N4BP2: variants seen among roughly 807,000 people sequenced by gnomAD.
N4BP2 encodes the protein NEDD4 binding protein 2.
In N4BP2, 91 loss-of-function variants were observed where a neutral mutation model predicts 152.8. That is an observed-to-expected ratio of 0.60 (90% CI 0.50 to 0.71). The LOEUF is 0.71. Among genes scored for constraint, N4BP2 ranks in the 30% least tolerant of loss-of-function variants. The pLI is 0.00. For synonymous variants in N4BP2, 646 were observed against 705.3 expected (o/e 0.92, Z 1.33); for missense variants, 1,923 against 2,059.1 (o/e 0.93, Z 1.28).
rs781072377 is a variant in N4BP2 at position 40,142,724 on chromosome 4, G to T, written c.4837G>T (p.Asp1613Tyr). Residue 1613 changes from aspartate (D) to tyrosine (Y), a missense_variant, in exon 15 of 18, where the codon GAC becomes TAC. By Grantham distance (160) the Asp-to-Tyr change is radical. Coordinates refer to ENST00000261435, the MANE Select transcript of N4BP2 (RefSeq NM_018177.6). ...AACACCAAGTGAACTGTCTTTCCAG[G>T]ACTTTGAGTACCCAGACTATGATGA... ...EETPSELSFQ[D>Y]FEYPDYDDYR... 1.4e-5 allele frequency: 22 copies of T among 1,613,738 alleles called. No homozygotes were observed. In the Admixed American group the frequency reaches 3.7e-4, roughly 27 times the overall value.
intron 1 of N4BP2, among the ~76,000 whole-genome samples, chr4:40,067,552 GTGGAATTGC>G (rs1711660300): frequency 6.6e-6 from 1 of 151,994 alleles, no homozygotes; most frequent in Non-Finnish European, 1.5e-5. Flanking sequence ...GTACCCTGAA[GTGGAATTGC>G]TGGATCATAT....
At chr4:40,075,758 GA>G (rs541283496) in intron 2 of N4BP2, among the ~76,000 whole-genome samples, 11 of 152,130 alleles carry the variant, frequency 7.2e-5, no homozygotes, top group Non-Finnish European at 1.5e-4. Context: ...TCCAAAGGAT[GA>G]GTTCTGCCAT....
intron 4 of N4BP2, among the ~76,000 whole-genome samples, chr4:40,103,472 T>C (rs183382158): frequency 6.6e-6 from 1 of 152,294 alleles, no homozygotes; most frequent in Admixed American, 6.5e-5. Context: ...AATTGTGAGC[T>C]ATTGATGTAG....
chr4:40,079,423 G>GTTTTT (rs35152952), intron 2 of N4BP2, among the ~76,000 whole-genome samples: 1 of 133,836 alleles, frequency 7.5e-6, no homozygotes, highest in African/African-American at 2.7e-5. Context: ...ACCCTGGATG[G>GTTTTT]TTTTTTTTTT....
chr4:40,181,162 A>AAT, the N4BP2 span, among the ~76,000 whole-genome samples: 1 of 152,040 alleles, frequency 6.6e-6, no homozygotes, highest in Non-Finnish European at 1.5e-5. Context: ...AAAAGAAAAA[A>AAT]ATATATATAC....
intron 5 of N4BP2, among the ~76,000 whole-genome samples, chr4:40,111,476 A>G (rs1716878563): frequency 6.6e-6 from 1 of 152,106 alleles, no homozygotes; most frequent in Non-Finnish European, 1.5e-5. Flanking sequence ...GCGTGCCACC[A>G]CACCTGGCTA....
rs529178475 is a variant in N4BP2 at position 40,079,849 on chromosome 4, T to C, written c.-115+6298T>C. On this transcript the variant is annotated intron_variant, in intron 2 of 17. Coordinates refer to ENST00000261435, the MANE Select transcript of N4BP2 (RefSeq NM_018177.6). Reference sequence around the variant, plus strand: ...TTGATAAGACCTCTGCTTACCATGTTGGAATATTATGATGATAATCAGTGA... The same window carrying C: ...TTGATAAGACCTCTGCTTACCATGTCGGAATATTATGATGATAATCAGTGA... Among the ~76,000 whole-genome samples, 3 of 152,236 alleles carry C rather than the reference T, an allele frequency of 2.0e-5. No individual in the cohort carries two copies. In the South Asian group the frequency reaches 6.2e-4, roughly 32 times the overall value.
At chr4:40,170,778 CTATCAGGT>C in the N4BP2 span, among the ~76,000 whole-genome samples, 1 of 152,194 alleles carries the variant, frequency 6.6e-6, no homozygotes, top group African/African-American at 2.4e-5. Flanking sequence ...TTCAATAGCT[CTATCAGGT>C]TATGCATTAA....
chr4:40,174,673 G>A, the N4BP2 span, among the ~76,000 whole-genome samples: 1 of 151,882 alleles, frequency 6.6e-6, no homozygotes, highest in South Asian at 2.1e-4. Flanking sequence ...GTAGTGGTGC[G>A]CACCTGTCAT....
chr4:40,179,704 A>G, the N4BP2 span, among the ~76,000 whole-genome samples: 1 of 151,970 alleles, frequency 6.6e-6, no homozygotes, highest in Non-Finnish European at 1.5e-5. Flanking sequence ...TGAAAGAATG[A>G]TAAATCATGA....
chr4:40,079,423 G>GTTTT (rs35152952), intron 2 of N4BP2, among the ~76,000 whole-genome samples: 1 of 133,836 alleles, frequency 7.5e-6, no homozygotes, highest in African/African-American at 2.7e-5. Flanking sequence ...ACCCTGGATG[G>GTTTT]TTTTTTTTTT....
At chr4:40,168,054 AC>A in the N4BP2 span, among the ~76,000 whole-genome samples, 1 of 152,196 alleles carries the variant, frequency 6.6e-6, no homozygotes, top group Admixed American at 6.5e-5. Context: ...TATTAAAAAA[AC>A]ATAACCACTA....
At chr4:40,096,122 C>T (rs551333525) in intron 2 of N4BP2, among the ~76,000 whole-genome samples, 9 of 152,260 alleles carry the variant, frequency 5.9e-5, no homozygotes, top group African/African-American at 1.4e-4. Context: ...AACAAGTAGA[C>T]TGCCTGTAGT....
intron 12 of N4BP2, among the ~76,000 whole-genome samples, chr4:40,129,606 C>T (rs1718733140): frequency 6.6e-6 from 1 of 152,052 alleles, no homozygotes; most frequent in East Asian, 1.9e-4. Context: ...TTTACCTTCA[C>T]ATGCAGCCTG....
At chr4:40,138,432 TG>T (rs1719602818) in intron 14 of N4BP2, among the ~76,000 whole-genome samples, 1 of 152,246 alleles carries the variant, frequency 6.6e-6, no homozygotes. Context: ...TTAAATTTGA[TG>T]TAGTCTAGTT....
chr4:40,116,553 C>T lies in N4BP2; in HGVS notation c.1665-1316C>T, dbSNP rs953808612. Among the ~76,000 whole-genome samples, 8 of 152,272 alleles carry T rather than the reference C, an allele frequency of 5.3e-5. No homozygotes were observed. In the South Asian group the frequency reaches 1.2e-3, roughly 24 times the overall value. ...TTCTTGGCTTTCCTCCTCACGCATA[C>T]GAAGACTTTAAAACATTTTAATTCT... is the stretch of plus-strand genomic sequence containing the variant. On this transcript the variant is annotated intron_variant, in intron 7 of 17. Coordinates refer to ENST00000261435, the MANE Select transcript of N4BP2 (RefSeq NM_018177.6).
chr4:40,169,963 CAA>C, the N4BP2 span, among the ~76,000 whole-genome samples: 198 of 45,830 alleles, frequency 4.3e-3, 1 homozygote, highest in Non-Finnish European at 5.8e-3. Context: ...GACTCAATCT[CAA>C]AAAAAAAAAA....
chr4:40,134,280 G>A (rs966916972), intron 13 of N4BP2, among the ~76,000 whole-genome samples: 3 of 152,162 alleles, frequency 2.0e-5, no homozygotes, highest in South Asian at 2.1e-4. Context: ...GATGCCAGAG[G>A]TTGATGCTAG....
intron 16 of N4BP2, among the ~76,000 whole-genome samples, chr4:40,151,376 A>G (rs1313288204): frequency 3.9e-5 from 6 of 152,056 alleles, no homozygotes; most frequent in Non-Finnish European, 4.4e-5. Context: ...GGTGCAACCC[A>G]TCCTCCTACC....
Sources: gnomAD v4.1 joint callset for allele counts (sites outside exome capture counted in the v4.1 genomes callset) on GRCh38, gnomAD v4.1.1 for gene constraint, MANE v1.5 for transcripts, NCBI Gene and HGNC (gene_info 2026-07-23, HGNC 2026-07-21) for gene names.